CATSPERT: variants seen among roughly 807,000 people sequenced by gnomAD.
The protein encoded by CATSPERT is cation channel sperm-associated targeting subunit tau.
At chr2:201,604,521 G>T in the CATSPERT span, 2 of 656,708 alleles carry the variant, frequency 3.0e-6, no homozygotes, top group Non-Finnish European at 2.4e-6. Context: ...TCATAAATAC[G>T]CCATCAGAGA....
the CATSPERT span, among the ~76,000 whole-genome samples, chr2:201,518,045 G>A: frequency 6.6e-6 from 1 of 152,180 alleles, no homozygotes; most frequent in Non-Finnish European, 1.5e-5. Flanking sequence ...GGATTGCAGA[G>A]CCCCTGACAT....
chr2:201,499,840 T>TTA, the CATSPERT span, among the ~76,000 whole-genome samples: 597 of 146,590 alleles, frequency 4.1e-3, 3 homozygotes, highest in African/African-American at 8.7e-3. Flanking sequence ...CTAAAAAAAA[T>TTA]TATATATATA....
the CATSPERT span, chr2:201,572,120 C>T: frequency 3.9e-6 from 3 of 775,756 alleles, no homozygotes; most frequent in Middle Eastern, 3.0e-4. Flanking sequence ...TATGAATACC[C>T]CAGGACTATG....
chr2:201,603,968 T>C, the CATSPERT span, among the ~76,000 whole-genome samples: 1 of 152,210 alleles, frequency 6.6e-6, no homozygotes, highest in Non-Finnish European at 1.5e-5. Flanking sequence ...CATACCCAGT[T>C]ACCACTCTAA....
At chr2:201,493,033 AAAG>A in the CATSPERT span, 22 of 1,536,456 alleles carry the variant, frequency 1.4e-5, no homozygotes, top group Non-Finnish European at 1.7e-5. Flanking sequence ...GTCACTTGTA[AAAG>A]AAGGTTGAAT....
At chr2:201,605,365 C>T in the CATSPERT span, among the ~76,000 whole-genome samples, 1 of 152,136 alleles carries the variant, frequency 6.6e-6, no homozygotes, top group African/African-American at 2.4e-5. Context: ...AGTAGCTCAT[C>T]ATGATGCGCA....
chr2:201,608,840 A>C, the CATSPERT span, among the ~76,000 whole-genome samples: 1 of 151,640 alleles, frequency 6.6e-6, no homozygotes, highest in Admixed American at 6.6e-5. Flanking sequence ...GAAAGAAACA[A>C]ACAAAGAAAG....
chr2:201,587,574 T>G, the CATSPERT span, among the ~76,000 whole-genome samples: 1 of 152,150 alleles, frequency 6.6e-6, no homozygotes, highest in Non-Finnish European at 1.5e-5. Context: ...CATCTGAATG[T>G]AATGTGTTTT....
chr2:201,511,432 G>A, the CATSPERT span, among the ~76,000 whole-genome samples: 1 of 152,208 alleles, frequency 6.6e-6, no homozygotes, highest in East Asian at 1.9e-4. Flanking sequence ...ACTGCCCAAA[G>A]TTATAGGACC....
At chr2:201,583,032 C>T in the CATSPERT span, among the ~76,000 whole-genome samples, 2 of 152,130 alleles carry the variant, frequency 1.3e-5, no homozygotes. Context: ...TAGAAAACTA[C>T]AAATGCTCAA....
At chr2:201,587,514 C>T in the CATSPERT span, among the ~76,000 whole-genome samples, 6 of 152,090 alleles carry the variant, frequency 3.9e-5, no homozygotes, top group South Asian at 2.1e-4. Flanking sequence ...TCTTGTCCTC[C>T]GATTTACATT....
chr2:201,503,730 A>G, the CATSPERT span, among the ~76,000 whole-genome samples: 1 of 151,674 alleles, frequency 6.6e-6, no homozygotes, highest in South Asian at 2.1e-4. Context: ...GAATGTTAGG[A>G]ATTGTGGATT....
chr2:201,604,307 C>T, the CATSPERT span, among the ~76,000 whole-genome samples: 4 of 151,992 alleles, frequency 2.6e-5, no homozygotes, highest in Non-Finnish European at 5.9e-5. Context: ...TTACTGATTC[C>T]CAGGCTCCTC....
At chr2:201,611,425 G>A in the CATSPERT span, among the ~76,000 whole-genome samples, 3 of 152,150 alleles carry the variant, frequency 2.0e-5, no homozygotes. Flanking sequence ...CAACAAAAAT[G>A]GAAACACAAT....
At chr2:201,560,940 G>A in the CATSPERT span, among the ~76,000 whole-genome samples, 1 of 152,000 alleles carries the variant, frequency 6.6e-6, no homozygotes, top group African/African-American at 2.4e-5. Flanking sequence ...CCGCCACCAC[G>A]CCTGGCTAAT....
the CATSPERT span, among the ~76,000 whole-genome samples, chr2:201,587,928 C>T: frequency 6.6e-6 from 1 of 152,106 alleles, no homozygotes; most frequent in Non-Finnish European, 1.5e-5. Context: ...CACATATACC[C>T]TCCCAAGACT....
At chr2:201,489,547 T>A in the CATSPERT span, among the ~76,000 whole-genome samples, 1 of 152,202 alleles carries the variant, frequency 6.6e-6, no homozygotes, top group African/African-American at 2.4e-5. Flanking sequence ...GTGTGTATAA[T>A]ATATAGCTAT....
the CATSPERT span, among the ~76,000 whole-genome samples, chr2:201,490,002 G>A: frequency 2.6e-5 from 4 of 152,036 alleles, no homozygotes; most frequent in East Asian, 3.9e-4. Flanking sequence ...GATTACAGGC[G>A]TGCACCACGA....
chr2:201,544,956 A>G, the CATSPERT span, among the ~76,000 whole-genome samples: 1 of 151,892 alleles, frequency 6.6e-6, no homozygotes, highest in Non-Finnish European at 1.5e-5. Flanking sequence ...GTGGTTGTGC[A>G]ACTGCACTCC....
Sources: gnomAD v4.1 joint callset for allele counts (sites outside exome capture counted in the v4.1 genomes callset) on GRCh38, gnomAD v4.1.1 for gene constraint, MANE v1.5 for transcripts, NCBI Gene and HGNC (gene_info 2026-07-23, HGNC 2026-07-21) for gene names.